The following TANC1 variants were observed in gnomAD, a reference collection of about 807,000 sequenced individuals.
The protein encoded by TANC1 is tetratricopeptide repeat, ankyrin repeat and coiled-coil containing 1, also known as protein TANC1.
Under a neutral mutation model 149.7 loss-of-function variants are expected in TANC1, and 77 were observed. The ratio of observed to expected loss-of-function variants is 0.51; its 90% CI spans 0.43 to 0.62. TANC1 has a LOEUF of 0.62. Ranked by LOEUF, TANC1 falls within the 20% of genes least tolerant of loss-of-function variation. TANC1 has a pLI of 0.00. For missense variants in TANC1, 1,985 were observed against 2,321.8 expected (o/e 0.85, Z 2.98); for synonymous variants, 854 against 925.0 (o/e 0.92, Z 1.39).
In TANC1 at chr2:159,185,550, G is replaced by C. The variant is rs542149016; in HGVS notation, c.2511-241G>C. ...GAGGGGACCTGAAGGCTAGGCCCAG[G>C]GATGGTTCTGTGCTCTGTGTCTATT... On this transcript the variant is annotated intron_variant, in intron 14 of 26. Coordinates refer to ENST00000263635, the MANE Select transcript of TANC1 (RefSeq NM_033394.3). 5.3e-5 allele frequency among the ~76,000 whole-genome samples: 8 copies of C among 152,284 alleles called. No homozygotes were observed. In the South Asian group the frequency reaches 1.7e-3, roughly 32 times the overall value.
intron 2 of TANC1, among the ~76,000 whole-genome samples, chr2:159,051,244 G>A (rs905203780): frequency 2.0e-5 from 3 of 152,206 alleles, no homozygotes; most frequent in African/African-American, 4.8e-5. Context: ...TGGGCTACAT[G>A]TACAAGAGTG....
rs1491277339 is a variant in TANC1, at chr2:159,136,050, G to GCA, written c.260-143_260-142insAC. 189 of 208,220 alleles carry GCA rather than the reference G, an allele frequency of 9.1e-4. 6 individuals are homozygous for GCA. Among genetic ancestry groups the GCA allele is most frequent in the African/African-American group, 8.4e-3 (162 of 19,220 alleles). 12.9% of individuals were successfully genotyped at this position (208,220 alleles called of 1,614,324 possible). ...TGTGTGTGTGTGTGTGTGTGTGTGTGCGCGCGCGCGCGTTTAAGGGAGGGG... is the reference window on the plus strand; with the variant it reads ...TGTGTGTGTGTGTGTGTGTGTGTGTGCACGCGCGCGCGCGTTTAAGGGAGGGG... On this transcript the variant is annotated intron_variant, in intron 4 of 26. Coordinates refer to ENST00000263635, the MANE Select transcript of TANC1 (RefSeq NM_033394.3).
chr2:159,189,394 G>A (rs1490469286), intron 16 of TANC1, among the ~76,000 whole-genome samples: 2 of 152,212 alleles, frequency 1.3e-5, no homozygotes, highest in African/African-American at 4.8e-5. Context: ...ATGTGGACAG[G>A]AGGGCAGAGC....
chr2:159,021,911 C>T (rs2038859913), intron 2 of TANC1, among the ~76,000 whole-genome samples: 1 of 152,144 alleles, frequency 6.6e-6, no homozygotes, highest in South Asian at 2.1e-4. Context: ...GGAGAAATCT[C>T]AGGGACATGT....
At position 159,150,634 on chromosome 2, in the gene TANC1, G is replaced by T. The variant is rs143031417; in HGVS notation, c.682+78G>T. 161 of 1,163,012 alleles carry T rather than the reference G, an allele frequency of 1.4e-4. No individual in the cohort carries two copies. The African/African-American group carries it at 1.9e-3, about 13-fold the overall frequency. 72.0% of individuals were successfully genotyped at this position (1,163,012 alleles called of 1,614,324 possible). A position where few individuals can be genotyped will look rare whatever the true frequency, so the allele number is the denominator to read the frequency against. Reference sequence around the variant, plus strand: ...CATTCACCAGGCACTTCCTCAGAGGGTTTTAGCATGGTCTGTGAAGGTCAG... The same window carrying T: ...CATTCACCAGGCACTTCCTCAGAGGTTTTTAGCATGGTCTGTGAAGGTCAG... On this transcript the variant is annotated intron_variant, in intron 7 of 26. Coordinates refer to ENST00000263635, the MANE Select transcript of TANC1 (RefSeq NM_033394.3).
chr2:159,219,975 AGAGTGTGTGTGTGTGTGTGTGTGT>A (rs984901328), intron 22 of TANC1, 108 bp downstream of exon 22: 6 of 748,160 alleles, frequency 8.0e-6, no homozygotes, highest in African/African-American at 2.1e-5. Flanking sequence ...GTGTCATCAG[AGAGTGTGTGTGTGTGTGTGTGTGT>A]GTGTGTGTGT....
At chr2:159,088,953 T>C (rs1574579676) in intron 3 of TANC1, among the ~76,000 whole-genome samples, 1 of 152,196 alleles carries the variant, frequency 6.6e-6, no homozygotes, top group East Asian at 1.9e-4. Flanking sequence ...TAATAAGCTA[T>C]GTTTTCTCAG....
chr2:159,007,669 C>G (rs1483468807), intron 2 of TANC1, among the ~76,000 whole-genome samples: 2 of 152,216 alleles, frequency 1.3e-5, no homozygotes, highest in African/African-American at 4.8e-5. Context: ...TGACACATTT[C>G]TCAGAACGTA....
At position 159,136,213 on chromosome 2, in the gene TANC1, G is replaced by A; in HGVS notation, c.279G>A (p.Lys93=). The change falls in exon 5 of 27, where the codon AAG becomes AAA. Residue 93 remains lysine (K), a synonymous_variant. Transcript: ENST00000263635. ...KKSPGPVRKP[K]YVESPRVPGD... is the part of the protein sequence containing the mutation. Reference sequence around the variant, plus strand: ...CTACAGGTCCCGTCAGGAAGCCCAAGTATGTGGAAAGCCCCAGAGTGCCTG... The same window carrying A: ...CTACAGGTCCCGTCAGGAAGCCCAAATATGTGGAAAGCCCCAGAGTGCCTG... 1 of 1,611,878 alleles carries A rather than the reference G, an allele frequency of 6.2e-7. No homozygotes were observed. The highest frequency in any genetic ancestry group is 8.5e-7 in the Non-Finnish European group (1 of 1,177,998).
chr2:159,219,540 A>T (rs2059557524), intron 21 of TANC1, 152 bp from the exon 22 acceptor site: 1 of 1,247,762 alleles, frequency 8.0e-7, no homozygotes, highest in Admixed American at 1.9e-5. Context: ...AGCAGCGATG[A>T]CCATTCTGCC....
At chr2:159,044,672 C>T (rs755601364) in intron 2 of TANC1, among the ~76,000 whole-genome samples, 4 of 152,088 alleles carry the variant, frequency 2.6e-5, no homozygotes, top group African/African-American at 9.7e-5. Flanking sequence ...AGGCAGCAAG[C>T]AGGAGTCCCC....
chr2:159,110,773 G>T (rs115175636), intron 4 of TANC1, among the ~76,000 whole-genome samples: 1 of 152,196 alleles, frequency 6.6e-6, no homozygotes, highest in African/African-American at 2.4e-5. Flanking sequence ...TGACTTGGTC[G>T]CCATGAATGG....
intron 25 of TANC1, chr2:159,228,582 C>A: frequency 3.8e-6 from 2 of 526,692 alleles, no homozygotes; most frequent in South Asian, 4.3e-5. Context: ...GGCACTGTTA[C>A]TACCACTGTT....
intron 2 of TANC1, among the ~76,000 whole-genome samples, chr2:159,063,818 C>T (rs2042440530): frequency 6.6e-6 from 1 of 152,112 alleles, no homozygotes; most frequent in African/African-American, 2.4e-5. Context: ...ATACCAGAGT[C>T]AGTGTCACCT....
At chr2:159,041,620 C>A (rs527264960) in intron 2 of TANC1, among the ~76,000 whole-genome samples, 3 of 152,178 alleles carry the variant, frequency 2.0e-5, no homozygotes, top group Non-Finnish European at 4.4e-5. Flanking sequence ...CCTGGTGTGC[C>A]GTTTGCTAAG....
chr2:158,978,575 G>GT (rs2033954440), intron 1 of TANC1, among the ~76,000 whole-genome samples: 1 of 152,182 alleles, frequency 6.6e-6, no homozygotes, highest in Non-Finnish European at 1.5e-5. Flanking sequence ...TGGATGAGAT[G>GT]TATGAAGATC....
At chr2:159,175,877 G>A (rs1291962025) in intron 12 of TANC1, among the ~76,000 whole-genome samples, 5 of 152,214 alleles carry the variant, frequency 3.3e-5, no homozygotes, top group Admixed American at 2.6e-4. Context: ...TGGAGGAGTC[G>A]GTAGCGTGGA....
chr2:159,227,737 T>C lies in TANC1; in HGVS notation c.3904-82T>C, dbSNP rs547705964. 93 of 1,493,276 alleles carry C rather than the reference T, an allele frequency of 6.2e-5. No individual in the cohort carries two copies. The African/African-American group carries it at 1.2e-3, about 19-fold the overall frequency. The allele number at this position is 1,493,276 out of a possible 1,614,324, so 92.5% of individuals were successfully genotyped here. On this transcript the variant is annotated intron_variant, in intron 24 of 26. Coordinates refer to ENST00000263635, the MANE Select transcript of TANC1 (RefSeq NM_033394.3). Reference sequence around the variant, plus strand: ...CGTGGGTTTGCAGGGGGGAGTAAACTCCCCACGGTGTTCCAGGTGTGGGAG... The same window carrying C: ...CGTGGGTTTGCAGGGGGGAGTAAACCCCCCACGGTGTTCCAGGTGTGGGAG...
intron 4 of TANC1, among the ~76,000 whole-genome samples, chr2:159,111,599 A>G (rs1052731781): frequency 1.3e-5 from 2 of 152,222 alleles, no homozygotes; most frequent in Admixed American, 6.5e-5. Flanking sequence ...CCAGAAACAC[A>G]TACCTGGTAC....
Sources: gnomAD v4.1 joint callset for allele counts (sites outside exome capture counted in the v4.1 genomes callset) on GRCh38, gnomAD v4.1.1 for gene constraint, MANE v1.5 for transcripts, NCBI Gene and HGNC (gene_info 2026-07-23, HGNC 2026-07-21) for gene names.